The following LIAS variants were observed in gnomAD, a reference collection of about 807,000 sequenced individuals.
LIAS encodes the protein lipoyl synthase, mitochondrial.
A neutral mutation model predicts 49.4 loss-of-function variants in LIAS; 36 were observed. The ratio of observed to expected loss-of-function variants is 0.73; its 90% CI spans 0.56 to 0.96. LIAS has a LOEUF of 0.96. LIAS is among the 40% of genes least tolerant of loss of function. LIAS has a pLI of 0.00. For synonymous variants in LIAS, 145 were observed against 155.8 expected (o/e 0.93, Z 0.52); for missense variants, 399 against 456.3 (o/e 0.87, Z 1.14).
intron 6 of LIAS, 66 bp downstream of exon 6, chr4:39,465,408 C>G: frequency 7.5e-7 from 1 of 1,336,890 alleles, no homozygotes; most frequent in Non-Finnish European, 1.0e-6. Context: ...AGTTTAAGTT[C>G]ATTACCTTGA....
rs67611743 is a variant in LIAS at position 39,471,326 on chromosome 4, C to CTTT, written c.954+35_954+37dup. The stretch of plus-strand genomic sequence containing the variant: ...CTTAAGGTACATGTATCTTGATTTG[C>CTTT]TTTTTTTTTTTTTTTTTATTTTTAA... On this transcript the variant is annotated intron_variant, in intron 9 of 10. Coordinates refer to ENST00000640888, the MANE Select transcript of LIAS (RefSeq NM_006859.4). The CTTT allele has an allele frequency of 3.0e-4, 367 of 1,242,710 alleles. No individual in the cohort carries two copies. The highest frequency in any genetic ancestry group is 6.6e-4 in the Middle Eastern group (3 of 4,516). 77.0% of individuals were successfully genotyped at this position (1,242,710 alleles called of 1,614,324 possible). A position where few individuals can be genotyped will look rare whatever the true frequency, so the allele number is the denominator to read the frequency against.
Position 39,463,719 on chromosome 4 carries a change from T to C in LIAS, c.393+114T>C, listed in dbSNP as rs763822660. The C allele has an allele frequency of 8.4e-4, 1,159 of 1,373,532 alleles. 1 individual carries two copies. The highest frequency in any genetic ancestry group is 1.3e-3 in the Admixed American group (40 of 31,078). 85.1% of individuals were successfully genotyped at this position (1,373,532 alleles called of 1,614,324 possible). On this transcript the variant is annotated intron_variant, in intron 4 of 10. Coordinates refer to ENST00000640888, the MANE Select transcript of LIAS (RefSeq NM_006859.4). Reference sequence around the variant, plus strand: ...CTCTGGTCAGATTTTTCATTACATTTGCATTTATGAAAAATATTAAGAAAA... The same window carrying C: ...CTCTGGTCAGATTTTTCATTACATTCGCATTTATGAAAAATATTAAGAAAA...
chr4:39,472,829 ATCTCT>A (rs1306203665), intron 9 of LIAS, among the ~76,000 whole-genome samples: 1 of 152,186 alleles, frequency 6.6e-6, no homozygotes, highest in Non-Finnish European at 1.5e-5. Flanking sequence ...TCTGTAGATA[ATCTCT>A]TCTTTCTCTG....
chr4:39,471,446 G>T, intron 9 of LIAS, 140 bp downstream of exon 9: 2 of 578,280 alleles, frequency 3.5e-6, no homozygotes, highest in Admixed American at 3.0e-5. Flanking sequence ...TGATTCTCCT[G>T]CCTCACCCTC....
At chr4:39,472,134 C>T (rs993151384) in intron 9 of LIAS, among the ~76,000 whole-genome samples, 31 of 151,758 alleles carry the variant, frequency 2.0e-4, no homozygotes, top group African/African-American at 6.6e-4. Context: ...TACACACACA[C>T]ACACACACAC....
chr4:39,474,636 C>T (rs1321861821), intron 10 of LIAS, among the ~76,000 whole-genome samples: 1 of 151,732 alleles, frequency 6.6e-6, no homozygotes, highest in East Asian at 2.0e-4. Context: ...CTCTCCATCG[C>T]CCAGGCTGGA....
chr4:39,473,725 C>T (rs1445840484), intron 10 of LIAS: 3 of 152,170 alleles, frequency 2.0e-5, no homozygotes, highest in Middle Eastern at 3.4e-3. Context: ...GATTATTTTT[C>T]TCCGTAGGAA....
intron 8 of LIAS, chr4:39,470,624 C>T (rs957680129): frequency 1.3e-4 from 21 of 158,026 alleles, no homozygotes; most frequent in East Asian, 1.8e-4. Flanking sequence ...ACTTTAGTCC[C>T]GTAAGTCCAT....
rs544263635 is a variant in LIAS, at chr4:39,460,707, C to G, written c.46-83C>G. ...TCTGAATCACTTTTTTGGCTTTACCCTTCCGTTTAGGTGTTATGATGGGTT... is the reference window on the plus strand; with the variant it reads ...TCTGAATCACTTTTTTGGCTTTACCGTTCCGTTTAGGTGTTATGATGGGTT... On this transcript the variant is annotated intron_variant, in intron 1 of 10. Coordinates refer to ENST00000640888, the MANE Select transcript of LIAS (RefSeq NM_006859.4). 1.1e-5 allele frequency: 13 copies of G among 1,185,158 alleles called. No homozygotes were observed. The South Asian group carries it at 2.4e-4, about 22-fold the overall frequency. The allele number at this position is 1,185,158 out of a possible 1,614,324, so 73.4% of individuals were successfully genotyped here. A position where few individuals can be genotyped will look rare whatever the true frequency, so the allele number is the denominator to read the frequency against.
rs182927726 is a variant in LIAS at position 39,477,437 on chromosome 4, G to A, written c.*322G>A. ...CCAGCTACTCGGGAGGCTAAGGCAGGAGAATCACTTGAACCTGGGAGGGGG... is the reference window on the plus strand; with the variant it reads ...CCAGCTACTCGGGAGGCTAAGGCAGAAGAATCACTTGAACCTGGGAGGGGG... On this transcript the variant is annotated 3_prime_UTR_variant, in exon 11 of 11. Transcript: ENST00000640888. 4.6e-6 allele frequency: 1 copy of A among 217,088 alleles called. No individual in the cohort carries two copies. Among genetic ancestry groups the A allele is most frequent in the Non-Finnish European group, 9.0e-6 (1 of 111,210 alleles). 13.4% of individuals were successfully genotyped at this position (217,088 alleles called of 1,614,324 possible).
In LIAS at chr4:39,473,248, G is replaced by A. The variant is rs749915; in HGVS notation, c.1066+37G>A. On this transcript the variant is annotated intron_variant, in intron 10 of 10. Coordinates refer to ENST00000640888, the MANE Select transcript of LIAS (RefSeq NM_006859.4). ...TGTGGGGCATGGTTTCATTTAGGCC[G>A]TTAACTTTCCACATTAAGTTCTACC... is the stretch of plus-strand genomic sequence containing the variant. The A allele has an allele frequency of 0.2, 253,561 of 1,241,396 alleles. 28,667 individuals are homozygous for A. Among genetic ancestry groups the A allele is most frequent in the African/African-American group, 0.38 (25,621 of 67,194 alleles). The allele number at this position is 1,241,396 out of a possible 1,614,324, so 76.9% of individuals were successfully genotyped here. A position where few individuals can be genotyped will look rare whatever the true frequency, so the allele number is the denominator to read the frequency against.
At chr4:39,470,280 C>G (rs760909807) in intron 8 of LIAS, 116 bp downstream of exon 8, 3 of 744,506 alleles carry the variant, frequency 4.0e-6, no homozygotes, top group Non-Finnish European at 3.9e-6. Context: ...TAGATGGCAG[C>G]ATGAAAAGGA....
At chr4:39,471,531 T>TTTTG (rs1744988934) in intron 9 of LIAS, among the ~76,000 whole-genome samples, 1 of 114,276 alleles carries the variant, frequency 8.8e-6, no homozygotes, top group Non-Finnish European at 1.9e-5. Flanking sequence ...TTTTTTTTTT[T>TTTTG]TTTTTTTTTT....
chr4:39,471,158 A>T (rs1744964374), intron 8 of LIAS, 78 bp from the exon 9 acceptor site: 3 of 1,091,132 alleles, frequency 2.7e-6, no homozygotes, highest in South Asian at 2.5e-5. Context: ...CACCGTTTTT[A>T]AATATTCCTT....
intron 3 of LIAS, among the ~76,000 whole-genome samples, chr4:39,463,066 T>C (rs568762459): frequency 6.6e-6 from 1 of 151,948 alleles, no homozygotes; most frequent in Non-Finnish European, 1.5e-5. Flanking sequence ...CACTACACTC[T>C]AATCTTAATA....
Position 39,459,148 on chromosome 4 carries a change from A to C in LIAS, c.31A>C (p.Thr11Pro). 6.2e-7 allele frequency: 1 copy of C among 1,613,574 alleles called. No individual in the cohort carries two copies. Among genetic ancestry groups the C allele is most frequent in the African/African-American group, 1.3e-5 (1 of 75,056 alleles). Residue 11 changes from threonine to proline, a missense_variant, in exon 1 of 11, where the codon ACC becomes CCC. Physicochemically the swap from Thr to Pro is conservative, Grantham distance 38 (BLOSUM62 -1). Transcript: ENST00000640888. The part of the protein sequence containing the change: MSLRCGDAAR[T>P]LGPRVFGRYF... ...TCTACGCTGCGGGGATGCAGCCCGC[A>C]CCCTGGGGCCCCGGGTGAGCGGCGG...
intron 4 of LIAS, 114 bp from the exon 5 acceptor site, chr4:39,464,932 C>T: frequency 1.3e-6 from 1 of 741,698 alleles, no homozygotes; most frequent in Non-Finnish European, 2.2e-6. Flanking sequence ...TTTCAAATTT[C>T]TTATAAACAG....
Position 39,460,799 on chromosome 4 carries a change from A to T in LIAS, c.55A>T (p.Arg19Ter). The T allele has an allele frequency of 6.4e-7, 1 of 1,574,176 alleles. No individual in the cohort carries two copies. The highest frequency in any genetic ancestry group is 8.6e-7 in the Non-Finnish European group (1 of 1,164,990). Residue 19 changes from arginine to a stop codon, truncating the protein, a stop_gained, in exon 2 of 11, where the codon AGA becomes TGA. Coordinates refer to ENST00000640888, the MANE Select transcript of LIAS (RefSeq NM_006859.4). LOFTEE classifies it high-confidence loss of function. ...ARTLGPRVFGRYFCSPVRPLS... is the reference protein window; with the variant it reads ...ARTLGPRVFG ...TTAACTCTTTCTTTAGGTATTTGGG[A>T]GATATTTTTGCAGCCCAGTCAGACC...
intron 7 of LIAS, chr4:39,468,502 A>AAAAAAAAAT (rs140159831): frequency 1.6e-5 from 2 of 125,186 alleles, no homozygotes; most frequent in African/African-American, 5.9e-5. Flanking sequence ...GGAAAAAAAA[A>AAAAAAAAAT]ATATATATAT....
Sources: gnomAD v4.1 joint callset for allele counts (sites outside exome capture counted in the v4.1 genomes callset) on GRCh38, gnomAD v4.1.1 for gene constraint, MANE v1.5 for transcripts, NCBI Gene and HGNC (gene_info 2026-07-23, HGNC 2026-07-21) for gene names.